Variants in SPTBN1 observed in about 807,000 individuals in gnomAD.
SPTBN1 encodes the protein spectrin beta, non-erythrocytic 1.
SPTBN1 carries 32 observed loss-of-function variants against 266.4 expected under a neutral mutation model. The observed-to-expected ratio is 0.12, with a 90% CI of 0.09 to 0.16. SPTBN1 has a LOEUF of 0.16. Ranked by LOEUF, SPTBN1 falls within the 10% of genes least tolerant of loss-of-function variation. The pLI is 1.00. For missense variants in SPTBN1, 2,296 were observed against 3,067.1 expected, an observed-to-expected ratio of 0.75 and a Z score of 5.94; for synonymous variants, 1,336 against 1,162.2, an observed-to-expected ratio of 1.15 and a Z score of -3.04.
chr2:54,668,401 T>G lies in SPTBN1; in HGVS notation c.6927T>G (p.Asp2309Glu), dbSNP rs993843828. Residue 2309 changes from aspartate (D) to glutamate (E), a missense_variant, in exon 36 of 36, where the codon GAT becomes GAG. Asp to Glu is a conservative substitution (Grantham distance 45). Around this residue, in one of 12 missense-constraint regions of SPTBN1, gnomAD observed 347 missense variants for 368.5 expected, o/e 0.94. Transcript: ENST00000356805. ...IQAISSAISS[D>E]KHEVSASTQS... ...CTATCTCTTCCGCCATCTCCTCTGA[T>G]AAACACGAGGTGTCTGCCAGCACCC... 1 of 1,613,968 alleles carries G rather than the reference T, an allele frequency of 6.2e-7. No homozygotes were observed. The highest frequency in any genetic ancestry group is 8.5e-7 in the Non-Finnish European group (1 of 1,180,028).
chr2:54,512,861 C>T (rs1669928906), intron 1 of SPTBN1, among the ~76,000 whole-genome samples: 1 of 152,168 alleles, frequency 6.6e-6, no homozygotes, highest in East Asian at 1.9e-4. Flanking sequence ...TTTTTGAGCA[C>T]CTGCTATGGC....
At position 54,653,479 on chromosome 2, in the gene SPTBN1, C is replaced by T; in HGVS notation, c.5578-130C>T. On this transcript the variant is annotated intron_variant, in intron 26 of 35. Coordinates refer to ENST00000356805, the MANE Select transcript of SPTBN1 (RefSeq NM_003128.3). The surrounding 1 kb of genome is among the most constrained non-coding windows in gnomAD (Gnocchi z 5.1). ...ATCTCCCCAGTGAAATTGAGGGCTC[C>T]TTAAGGGGCATGGGCCATATTTTGA... 3 of 1,449,752 alleles carry T rather than the reference C, an allele frequency of 2.1e-6. No individual in the cohort carries two copies. Among genetic ancestry groups the T allele is most frequent in the Non-Finnish European group, 9.1e-7 (1 of 1,095,208 alleles). 89.8% of individuals were successfully genotyped at this position (1,449,752 alleles called of 1,614,324 possible). A position where few individuals can be genotyped will look rare whatever the true frequency, so the allele number is the denominator to read the frequency against.
intron 2 of SPTBN1, among the ~76,000 whole-genome samples, chr2:54,587,203 C>G (rs995427621): frequency 2.0e-4 from 31 of 152,316 alleles, no homozygotes; most frequent in Non-Finnish European, 2.9e-4. Flanking sequence ...CTACCTTTAG[C>G]CCTTGAAAAT....
chr2:54,563,670 C>T (rs1270310602), intron 2 of SPTBN1, among the ~76,000 whole-genome samples: 2 of 126,512 alleles, frequency 1.6e-5, no homozygotes, highest in Non-Finnish European at 3.1e-5. Flanking sequence ...GTGGCGCGAT[C>T]TCGGCTCACT....
At chr2:54,611,156 G>A (rs79650675) in intron 3 of SPTBN1, among the ~76,000 whole-genome samples, 5,916 of 152,208 alleles carry the variant, frequency 0.039, 148 homozygotes, top group Admixed American at 0.087. Context: ...TTATAAAATA[G>A]ACTAACATCT....
intron 1 of SPTBN1, among the ~76,000 whole-genome samples, chr2:54,469,497 G>A (rs1693809905): frequency 6.6e-6 from 1 of 152,178 alleles, no homozygotes. Context: ...AACCTGATGG[G>A]AATCATTTTG....
At chr2:54,519,520 C>A (rs1205692313) in intron 1 of SPTBN1, among the ~76,000 whole-genome samples, 2 of 152,068 alleles carry the variant, frequency 1.3e-5, no homozygotes, top group Non-Finnish European at 2.9e-5. Context: ...AGGTTTGGAA[C>A]TGAGACAAGA....
chr2:54,623,983 A>G (rs963185562), intron 10 of SPTBN1, among the ~76,000 whole-genome samples: 1 of 152,262 alleles, frequency 6.6e-6, no homozygotes, highest in East Asian at 1.9e-4. Flanking sequence ...GGCTTCTTGC[A>G]TTAGAGATGC....
At chr2:54,594,829 G>GTTTTTTTTTTTTTTTT (rs566074908) in intron 2 of SPTBN1, among the ~76,000 whole-genome samples, 2 of 46,384 alleles carry the variant, frequency 4.3e-5, no homozygotes, top group African/African-American at 3.3e-4. Context: ...CCTCTGGTAA[G>GTTTTTTTTTTTTTTTT]TTTCTTTTTT....
chr2:54,589,851 G>T (rs1177865398), intron 2 of SPTBN1, among the ~76,000 whole-genome samples: 2 of 152,058 alleles, frequency 1.3e-5, no homozygotes, highest in African/African-American at 4.8e-5. Context: ...TCAAGCTAAG[G>T]CATATAGGGG....
chr2:54,462,447 A>G (rs933108997), intron 1 of SPTBN1, among the ~76,000 whole-genome samples: 1 of 152,240 alleles, frequency 6.6e-6, no homozygotes, highest in Admixed American at 6.5e-5. Flanking sequence ...ATGTAATTAC[A>G]TTTATTTGTA....
In SPTBN1 at chr2:54,613,232, A is replaced by G. The variant is rs556775139; in HGVS notation, c.474+898A>G. On this transcript the variant is annotated intron_variant, in intron 4 of 35. Coordinates refer to ENST00000356805, the MANE Select transcript of SPTBN1 (RefSeq NM_003128.3). ...TAGTGTCAGGTTTCTCTGCGAACAA[A>G]TATTCTAACAGTCCTGTCTCCTCAG... 3.9e-5 allele frequency among the ~76,000 whole-genome samples: 6 copies of G among 152,326 alleles called. No homozygotes were observed. In the South Asian group the frequency reaches 6.2e-4, roughly 16 times the overall value.
chr2:54,608,464 G>A (rs1349912828), intron 3 of SPTBN1, among the ~76,000 whole-genome samples: 1 of 152,110 alleles, frequency 6.6e-6, no homozygotes, highest in Non-Finnish European at 1.5e-5. Flanking sequence ...GAAGAGATTG[G>A]GAAGTCAAGA....
chr2:54,627,325 A>G (rs1678414975), intron 12 of SPTBN1, among the ~76,000 whole-genome samples: 1 of 152,226 alleles, frequency 6.6e-6, no homozygotes, highest in African/African-American at 2.4e-5. Context: ...CAGTTGGTCC[A>G]GAGACTTCCT....
chr2:54,515,214 A>C (rs1670052630), intron 1 of SPTBN1, among the ~76,000 whole-genome samples: 1 of 152,014 alleles, frequency 6.6e-6, no homozygotes, highest in Admixed American at 6.6e-5. Flanking sequence ...CTCCACCCCT[A>C]CCAATCAGAA....
At chr2:54,562,696 T>TG (rs1673390172) in intron 2 of SPTBN1, among the ~76,000 whole-genome samples, 2 of 122,598 alleles carry the variant, frequency 1.6e-5, no homozygotes, top group East Asian at 2.3e-4. Flanking sequence ...AAACCCTGCT[T>TG]TGTGTGTGTG....
intron 2 of SPTBN1, among the ~76,000 whole-genome samples, chr2:54,553,919 A>T (rs1226676563): frequency 1.3e-5 from 2 of 152,204 alleles, no homozygotes; most frequent in African/African-American, 4.8e-5. Flanking sequence ...CAGAGGCTTA[A>T]TCTTACCTTG....
Position 54,649,650 on chromosome 2 carries a change from C to T in SPTBN1, c.5238C>T (p.Asp1746=). 1 of 1,611,406 alleles carries T rather than the reference C, an allele frequency of 6.2e-7. No homozygotes were observed. The highest frequency in any genetic ancestry group is 8.5e-7 in the Non-Finnish European group (1 of 1,177,632). Residue 1746 remains aspartate (D), a synonymous_variant, in exon 26 of 36, where the codon GAC becomes GAT. Coordinates refer to ENST00000356805, the MANE Select transcript of SPTBN1 (RefSeq NM_003128.3). The surrounding 1 kb of genome is among the most constrained non-coding windows in gnomAD (Gnocchi z 6.7). ...LQERFREFAR[D]TGNIGQERVD... is the part of the protein sequence containing the mutation. ...AACGATTCCGGGAGTTTGCCCGAGA[C>T]ACCGGGAACATTGGGCAGGAGCGCG...
intron 7 of SPTBN1, among the ~76,000 whole-genome samples, chr2:54,620,688 G>A (rs1254066073): frequency 6.6e-6 from 1 of 152,140 alleles, no homozygotes; most frequent in Non-Finnish European, 1.5e-5. Context: ...AGAGGTAGTA[G>A]GCTATAGAAT....
Sources: allele counts gnomAD v4.1 joint callset (sites outside exome capture counted in the v4.1 genomes callset), GRCh38; gene constraint gnomAD v4.1.1; regional missense constraint gnomAD v4.1.1; non-coding constraint Gnocchi (gnomAD v3.1); transcripts MANE v1.5; gene names NCBI Gene and HGNC (gene_info 2026-07-23, HGNC 2026-07-21).